Variants in XRN1 observed in about 807,000 individuals in gnomAD.
XRN1 encodes 5'-3' exoribonuclease 1.
In XRN1, 67 loss-of-function variants were observed where a neutral mutation model predicts 222.3. The ratio of observed to expected loss-of-function variants is 0.30; its 90% CI spans 0.25 to 0.37. The LOEUF (loss-of-function observed/expected upper bound fraction) is 0.37. XRN1 is among the 10% of genes least tolerant of loss of function. The pLI is 1.00. For synonymous variants in XRN1, 643 were observed against 652.4 expected (o/e 0.99, Z 0.22); for missense variants, 1,707 against 2,000.2 (o/e 0.85, Z 2.80).
chr3:142,379,951 C>CA, intron 23 of XRN1, 131 bp downstream of exon 23: 1 of 686,114 alleles, frequency 1.5e-6, no homozygotes, highest in African/African-American at 1.8e-5. Context: ...ATACCAGATG[C>CA]AACTGGGAGA....
intron 1 of XRN1, among the ~76,000 whole-genome samples, chr3:142,441,573 T>G (rs1271087639): frequency 1.3e-5 from 2 of 152,224 alleles, no homozygotes; most frequent in African/African-American, 4.8e-5. Context: ...GTGGCTGCAG[T>G]TGCAGTCTTA....
intron 33 of XRN1, among the ~76,000 whole-genome samples, chr3:142,340,122 G>A (rs970218674): frequency 2.6e-5 from 4 of 152,124 alleles, no homozygotes; most frequent in Non-Finnish European, 2.9e-5. Flanking sequence ...TTGGGAGGCC[G>A]AGGTAGGTGG....
At chr3:142,318,982 TA>T in intron 37 of XRN1, 79 bp from the exon 38 acceptor site, 1 of 1,153,912 alleles carries the variant, frequency 8.7e-7, no homozygotes, top group Non-Finnish European at 1.2e-6. Flanking sequence ...TCTAAACAAG[TA>T]AAATAATTTT....
rs188250885 is a variant in XRN1 at position 142,324,075 on chromosome 3, T to G, written c.4405-5172A>C. Among the ~76,000 whole-genome samples, 484 of 151,396 alleles carry G rather than the reference T, an allele frequency of 3.2e-3. 2 individuals are homozygous for G. Among genetic ancestry groups the G allele is most frequent in the African/African-American group, 9.6e-3 (395 of 41,280 alleles). On this transcript the variant is annotated intron_variant, in intron 37 of 40. Coordinates refer to ENST00000392981, the MANE Select transcript of XRN1 (RefSeq NM_001282857.2). ...TTATTTTAAAATATATATTATTGGG[T>G]TTTTTTTCAGTTTTTTTTTTATTAT...
intron 22 of XRN1, among the ~76,000 whole-genome samples, chr3:142,382,659 G>C (rs187174532): frequency 6.6e-6 from 1 of 152,184 alleles, no homozygotes; most frequent in Non-Finnish European, 1.5e-5. Context: ...GTTCCTTTTA[G>C]TGAGTTATGA....
intron 39 of XRN1, among the ~76,000 whole-genome samples, chr3:142,314,298 T>TA (rs1029438622): frequency 2.0e-5 from 3 of 152,158 alleles, no homozygotes; most frequent in Admixed American, 6.5e-5. Context: ...ATTATAACCT[T>TA]AAAATTATTA....
chr3:142,441,268 G>A lies in XRN1; in HGVS notation c.75+6602C>T, dbSNP rs1410175211. On this transcript the variant is annotated intron_variant, in intron 1 of 40. Transcript: ENST00000392981. ...CTGCCGAATATGGATTCCCAGGTAC[G>A]GCAAAATAGCCAGACCATTATATAC... Among the ~76,000 whole-genome samples, 3 of 152,218 alleles carry A rather than the reference G, an allele frequency of 2.0e-5. No homozygotes were observed. The East Asian group carries it at 5.8e-4, about 29-fold the overall frequency.
At chr3:142,320,978 A>T (rs942161727) in intron 37 of XRN1, among the ~76,000 whole-genome samples, 1 of 151,870 alleles carries the variant, frequency 6.6e-6, no homozygotes, top group Non-Finnish European at 1.5e-5. Flanking sequence ...CTTATCTTAC[A>T]TTTAGGTATT....
At chr3:142,426,912 T>A in intron 2 of XRN1, 71 bp from the exon 3 acceptor site, 2 of 1,160,264 alleles carry the variant, frequency 1.7e-6, no homozygotes, top group Non-Finnish European at 2.5e-6. Context: ...TAAACTGCTA[T>A]GTAGGTGCCT....
chr3:142,369,880 T>C (rs1035975041), intron 27 of XRN1, among the ~76,000 whole-genome samples: 1 of 151,328 alleles, frequency 6.6e-6, no homozygotes, highest in Non-Finnish European at 1.5e-5. Context: ...ATGCCGTCTC[T>C]ACTAAAAAAT....
At position 142,410,487 on chromosome 3, in the gene XRN1, G is replaced by GTTTTTTTTTTTTTTT. The variant is rs751870329; in HGVS notation, c.1713+2042_1713+2056dup. 2.2e-4 allele frequency among the ~76,000 whole-genome samples: 15 copies of GTTTTTTTTTTTTTTT among 68,072 alleles called. 1 individual carries two copies. The highest frequency in any genetic ancestry group is 2.6e-4 in the Non-Finnish European group (10 of 39,110). 44.7% of individuals were successfully genotyped at this position (68,072 alleles called of 152,430 possible). On this transcript the variant is annotated intron_variant, in intron 15 of 40. Transcript: ENST00000392981. The stretch of plus-strand genomic sequence containing the variant: ...TATACGCTGTCAGATTCTATCTCAT[G>GTTTTTTTTTTTTTTT]TTTTTTTTTTTTTTTTTTTTTTTTT...
chr3:142,355,016 C>G (rs552729576), intron 32 of XRN1, among the ~76,000 whole-genome samples: 1 of 148,746 alleles, frequency 6.7e-6, no homozygotes, highest in Admixed American at 6.9e-5. Context: ...TAAGTGGGAG[C>G]TAAGCATTGG....
Position 142,364,424 on chromosome 3 carries a change from A to T in XRN1, c.3394+623T>A, listed in dbSNP as rs113364437. 8.4e-3 allele frequency among the ~76,000 whole-genome samples: 1,267 copies of T among 150,254 alleles called. 19 individuals are homozygous for T. The highest frequency in any genetic ancestry group is 0.028 in the African/African-American group (1,159 of 40,920). On this transcript the variant is annotated intron_variant, in intron 29 of 40. Transcript: ENST00000392981. Reference sequence around the variant, plus strand: ...TCAGATATTTAGCTGCTGCTTCCTTATTTTCCCCCTTCTCTGATTTTTTTT... The same window carrying T: ...TCAGATATTTAGCTGCTGCTTCCTTTTTTTCCCCCTTCTCTGATTTTTTTT...
At chr3:142,437,532 T>G (rs1176424229) in intron 1 of XRN1, among the ~76,000 whole-genome samples, 1 of 152,250 alleles carries the variant, frequency 6.6e-6, no homozygotes, top group Non-Finnish European at 1.5e-5. Context: ...ATGATTTGGC[T>G]GCTATTTTCC....
intron 1 of XRN1, among the ~76,000 whole-genome samples, chr3:142,438,329 G>A (rs1020356926): frequency 1.4e-5 from 2 of 145,032 alleles, no homozygotes; most frequent in African/African-American, 2.6e-5. Flanking sequence ...TTTTGGGCAC[G>A]CTGGTAAAGG....
intron 29 of XRN1, 101 bp from the exon 30 acceptor site, chr3:142,360,032 T>C (rs2066573250): frequency 1.5e-6 from 1 of 649,156 alleles, no homozygotes; most frequent in South Asian, 2.5e-5. Flanking sequence ...TATAAAATTC[T>C]AGATATGATA....
chr3:142,355,357 T>C, intron 32 of XRN1, 44 bp downstream of exon 32: 3 of 1,097,606 alleles, frequency 2.7e-6, no homozygotes, highest in East Asian at 2.8e-5. Context: ...TATAAAAATA[T>C]ATTTTCTTTA....
chr3:142,439,374 A>G (rs760023761), intron 1 of XRN1, among the ~76,000 whole-genome samples: 2 of 152,168 alleles, frequency 1.3e-5, no homozygotes, highest in Admixed American at 6.5e-5. Context: ...TCTCACTGGG[A>G]CACAGAATCA....
intron 32 of XRN1, 80 bp downstream of exon 32, chr3:142,355,321 T>C: frequency 1.4e-6 from 1 of 705,680 alleles, no homozygotes; most frequent in South Asian, 4.3e-5. Flanking sequence ...CACAGAAAAA[T>C]AATCATTGTA....
Sources: gnomAD v4.1 joint callset for allele counts (sites outside exome capture counted in the v4.1 genomes callset) on GRCh38, gnomAD v4.1.1 for gene constraint, MANE v1.5 for transcripts, NCBI Gene and HGNC (gene_info 2026-07-23, HGNC 2026-07-21) for gene names.